TGM5: variants seen among roughly 807,000 people sequenced by gnomAD.
TGM5 encodes the protein protein-glutamine gamma-glutamyltransferase 5.
Under a neutral mutation model 77.2 loss-of-function variants are expected in TGM5, and 69 were observed. The observed-to-expected ratio is 0.89, with a 90% confidence interval of 0.74 to 1.09. The LOEUF is 1.09. Among genes scored for constraint, TGM5 ranks in the 50% least tolerant of loss-of-function variants. The pLI is 0.00. For synonymous variants in TGM5, 346 were observed against 351.8 expected, an observed-to-expected ratio of 0.98 and a Z score of 0.18; for missense variants, 842 against 896.5, an observed-to-expected ratio of 0.94 and a Z score of 0.78.
intron 1 of TGM5, among the ~76,000 whole-genome samples, chr15:43,261,080 T>G (rs2042784406): frequency 2.0e-5 from 2 of 100,916 alleles, no homozygotes; most frequent in Non-Finnish European, 4.0e-5. Flanking sequence ...GTGTGTGTTT[T>G]TTTTTTTTTT....
chr15:43,241,091 A>T, intron 6 of TGM5, 101 bp from the exon 7 acceptor site: 1 of 1,484,580 alleles, frequency 6.7e-7, no homozygotes, highest in Non-Finnish European at 9.3e-7. Context: ...TCCATTTGCC[A>T]TCTGCAGGAA....
chr15:43,242,817 T>C (rs1186408196), intron 6 of TGM5, among the ~76,000 whole-genome samples: 1 of 152,122 alleles, frequency 6.6e-6, no homozygotes, highest in African/African-American at 2.4e-5. Flanking sequence ...GAGGTGAGGC[T>C]GAAGTTTGAA....
chr15:43,252,129 C>G (rs563955493), intron 6 of TGM5, among the ~76,000 whole-genome samples: 11 of 152,176 alleles, frequency 7.2e-5, no homozygotes, highest in Non-Finnish European at 1.0e-4. Flanking sequence ...TACTCAGCCT[C>G]TCATCTCATT....
At chr15:43,247,434 A>G (rs2042676309) in intron 6 of TGM5, among the ~76,000 whole-genome samples, 1 of 152,120 alleles carries the variant, frequency 6.6e-6, no homozygotes, top group Non-Finnish European at 1.5e-5. Flanking sequence ...CTTCAGCATC[A>G]TGTAATATAC....
In TGM5 at chr15:43,260,087, C is replaced by G. The variant is rs1006198612; in HGVS notation, c.401G>C (p.Gly134Ala). Reference protein sequence around the residue: ...FQGSVTAYQLGEFILLFNPWC... With the variant: ...FQGSVTAYQLAEFILLFNPWC... ...GGGATTGAAAAGCAGGATGAACTCC[C>G]CTAGCTGGTAGGCCGTCACAGACCC... is the stretch of plus-strand genomic sequence containing the variant. Residue 134 changes from glycine to alanine, a missense_variant, in exon 3 of 13, where the codon GGG becomes GCG. Gly to Ala is a moderately conservative substitution (Grantham distance 60, BLOSUM62 0). Transcript: ENST00000220420. 3 of 1,614,010 alleles carry G rather than the reference C, an allele frequency of 1.9e-6. No homozygotes were observed. The highest frequency in any genetic ancestry group is 2.7e-5 in the African/African-American group (2 of 75,040).
chr15:43,261,089 T>TGTTTTTTGTTTTTTG (rs1566837511), intron 1 of TGM5, among the ~76,000 whole-genome samples: 1 of 119,272 alleles, frequency 8.4e-6, no homozygotes, highest in African/African-American at 3.4e-5. Context: ...TTTTTTTTTT[T>TGTTTTTTGTTTTTTG]TTTTTTTTTT....
intron 6 of TGM5, among the ~76,000 whole-genome samples, chr15:43,241,998 CCTT>C (rs2042640611): frequency 6.6e-6 from 1 of 152,126 alleles, no homozygotes; most frequent in Non-Finnish European, 1.5e-5. Flanking sequence ...GATTCCTGTC[CCTT>C]CATGTCCAGC....
At chr15:43,233,782 C>A in intron 11 of TGM5, 95 bp from the exon 12 acceptor site, 1 of 1,447,672 alleles carries the variant, frequency 6.9e-7, no homozygotes, top group Non-Finnish European at 9.6e-7. Context: ...GCAGGATATG[C>A]CACCTCCAAA....
intron 6 of TGM5, among the ~76,000 whole-genome samples, chr15:43,252,073 T>C (rs2042707099): frequency 6.6e-6 from 1 of 152,210 alleles, no homozygotes; most frequent in African/African-American, 2.4e-5. Context: ...ATTGAGCCCA[T>C]TCTCTGTGCT....
rs2042556237 is a variant in TGM5 at position 43,232,870 on chromosome 15, CA to C, written c.*320del. The stretch of plus-strand genomic sequence containing the variant: ...TGTGCAAATGGTCCAGGGAAATATC[CA>C]TCCATAGACATTTCCTACCTGTTCT... On this transcript the variant is annotated 3_prime_UTR_variant, in exon 13 of 13. Coordinates refer to ENST00000220420, the MANE Select transcript of TGM5 (RefSeq NM_201631.4). 5.6e-6 allele frequency: 2 copies of C among 354,832 alleles called. No homozygotes were observed. 22.0% of individuals were successfully genotyped at this position (354,832 alleles called of 1,614,324 possible).
In TGM5 at chr15:43,256,667, G is replaced by T. The variant is rs765393561; in HGVS notation, c.456C>A (p.Asp152Glu). ...PWCPEDAVYLDSEPQRQEYVM... is the reference protein window; with the variant it reads ...PWCPEDAVYLESEPQRQEYVM... ...CATACTCCTGCCTCTGGGGTTCACT[G>T]TCCAAGTAGACAGCATCCTCTAGGA... Residue 152 changes from aspartate to glutamate, a missense_variant, in exon 4 of 13, where the codon GAC becomes GAA. Around this residue, in one of 2 missense-constraint regions of TGM5, gnomAD observed 815 missense variants for 844.6 expected, o/e 0.96. Transcript: ENST00000220420. 6.2e-7 allele frequency: 1 copy of T among 1,613,692 alleles called. No homozygotes were observed. Among genetic ancestry groups the T allele is most frequent in the African/African-American group, 1.3e-5 (1 of 74,886 alleles).
chr15:43,252,038 G>A (rs888995480), intron 6 of TGM5, among the ~76,000 whole-genome samples: 5 of 152,152 alleles, frequency 3.3e-5, no homozygotes, highest in Non-Finnish European at 7.3e-5. Context: ...CCTGACTCAC[G>A]TTTCCCTTCC....
chr15:43,238,542 T>A (rs1345866001), intron 9 of TGM5, among the ~76,000 whole-genome samples: 1 of 152,174 alleles, frequency 6.6e-6, no homozygotes, highest in Non-Finnish European at 1.5e-5. Flanking sequence ...GGAGGCTGAT[T>A]TTAGGGGGAA....
At position 43,252,772 on chromosome 15, in the gene TGM5, G is replaced by A. The variant is rs201890123; in HGVS notation, c.849C>T (p.Ala283=). Residue 283 remains alanine (A), a synonymous_variant, in exon 6 of 13, where the codon GCC becomes GCT. Transcript: ENST00000220420. ...TCTACCTCCTACCTGTGCACATGAC[G>A]GCAGCAAAGACCCAGCATTGCCCGT... ...VRYGQCWVFA[A]VMCTVMRCLG... The A allele has an allele frequency of 1.7e-4, 276 of 1,613,764 alleles. No individual in the cohort carries two copies. Among genetic ancestry groups the A allele is most frequent in the Non-Finnish European group, 2.2e-4 (260 of 1,180,034 alleles).
At position 43,235,630 on chromosome 15, in the gene TGM5, T is replaced by G; in HGVS notation, c.1553A>C (p.Asn518Thr). 6.2e-7 allele frequency: 1 copy of G among 1,614,172 alleles called. No homozygotes were observed. Among genetic ancestry groups the G allele is most frequent in the South Asian group, 1.1e-5 (1 of 91,078 alleles). The change falls in exon 10 of 13, where the codon AAC becomes ACC. Residue 518 changes from asparagine to threonine, a missense_variant. Coordinates refer to ENST00000220420, the MANE Select transcript of TGM5 (RefSeq NM_201631.4). ...SLKFKLLDPP[N>T]MGQDICFVLL... ...GACAAAGCATATATCCTGGCCCATG[T>G]TGGGCGGGTCGAGCAGCTTGAATTT...
chr15:43,244,956 C>G (rs1349073086), intron 6 of TGM5, among the ~76,000 whole-genome samples: 1 of 152,086 alleles, frequency 6.6e-6, no homozygotes, highest in Non-Finnish European at 1.5e-5. Context: ...GTGGTCCCAG[C>G]TACTCAGGAG....
Position 43,233,091 on chromosome 15 carries a change from G to A in TGM5, c.*100C>T, listed in dbSNP as rs1048549495. 14 of 1,461,514 alleles carry A rather than the reference G, an allele frequency of 9.6e-6. No individual in the cohort carries two copies. The highest frequency in any genetic ancestry group is 1.2e-5 in the Non-Finnish European group (13 of 1,062,626). 90.5% of individuals were successfully genotyped at this position (1,461,514 alleles called of 1,614,324 possible). A position where few individuals can be genotyped will look rare whatever the true frequency, so the allele number is the denominator to read the frequency against. ...CCTCTGTGGCTCTTGCTGGAGCCCT[G>A]TGAAGCCTCTGTTGTGGTGGGGAAT... On this transcript the variant is annotated 3_prime_UTR_variant, in exon 13 of 13. Coordinates refer to ENST00000220420, the MANE Select transcript of TGM5 (RefSeq NM_201631.4).
Position 43,233,360 on chromosome 15 carries a change from G to T in TGM5, c.2010-16C>A, listed in dbSNP as rs372214056. 27 of 1,612,888 alleles carry T rather than the reference G, an allele frequency of 1.7e-5. No individual in the cohort carries two copies. The African/African-American group carries it at 3.5e-4, about 21-fold the overall frequency. Reference sequence around the variant, plus strand: ...GACTCCAAGGCTGCAACAGAGAATGGAGCATGTCAGAAAACCAAAAGCATG... The same window carrying T: ...GACTCCAAGGCTGCAACAGAGAATGTAGCATGTCAGAAAACCAAAAGCATG... On this transcript the variant is annotated splice_polypyrimidine_tract_variant and intron_variant, in intron 12 of 12. Coordinates refer to ENST00000220420, the MANE Select transcript of TGM5 (RefSeq NM_201631.4).
Position 43,232,888 on chromosome 15 carries a change from A to G in TGM5, c.*303T>C, listed in dbSNP as rs2042556411. On this transcript the variant is annotated 3_prime_UTR_variant, in exon 13 of 13. Transcript: ENST00000220420. ...AAATATCCATCCATAGACATTTCCT[A>G]CCTGTTCTCTGGATGCTGGAGTCTC... The G allele has an allele frequency of 2.6e-6, 1 of 389,158 alleles. No homozygotes were observed. Among genetic ancestry groups the G allele is most frequent in the Non-Finnish European group, 4.8e-6 (1 of 207,472 alleles). The allele number at this position is 389,158 out of a possible 1,614,324, so 24.1% of individuals were successfully genotyped here. A position where few individuals can be genotyped will look rare whatever the true frequency, so the allele number is the denominator to read the frequency against.
Sources: allele counts gnomAD v4.1 joint callset (sites outside exome capture counted in the v4.1 genomes callset), GRCh38; gene constraint gnomAD v4.1.1; regional missense constraint gnomAD v4.1.1; transcripts MANE v1.5; gene names NCBI Gene and HGNC (gene_info 2026-07-23, HGNC 2026-07-21).